The following PLSCR2 variants were observed in gnomAD, a reference collection of about 807,000 sequenced individuals.
PLSCR2 encodes the protein phospholipid scramblase 2.
In PLSCR2, 18 loss-of-function variants were observed where a neutral mutation model predicts 25.3. The ratio of observed to expected loss-of-function variants is 0.71; its 90% CI spans 0.49 to 1.06. The LOEUF is 1.06. PLSCR2 is among the 50% of genes least tolerant of loss of function. The pLI is 0.00. For synonymous variants in PLSCR2, 88 were observed against 87.3 expected, an observed-to-expected ratio of 1.01 and a Z score of -0.04; for missense variants, 243 against 269.5, an observed-to-expected ratio of 0.90 and a Z score of 0.69.
intron 2 of PLSCR2, among the ~76,000 whole-genome samples, chr3:146,458,878 TA>T (rs980469498): frequency 4.6e-5 from 7 of 152,040 alleles, no homozygotes; most frequent in African/African-American, 1.2e-4. Context: ...TGAGACTGAT[TA>T]AAAAAACTGT....
At chr3:146,411,661 C>CA (rs2038856503) in intron 2 of PLSCR2, among the ~76,000 whole-genome samples, 1 of 152,168 alleles carries the variant, frequency 6.6e-6, no homozygotes, top group African/African-American at 2.4e-5. Flanking sequence ...ATTGAGAGAC[C>CA]ATTTAGCCGG....
At chr3:146,418,256 T>A (rs781182653) in intron 2 of PLSCR2, among the ~76,000 whole-genome samples, 3 of 152,130 alleles carry the variant, frequency 2.0e-5, no homozygotes, top group Non-Finnish European at 2.9e-5. Flanking sequence ...CTATCTCACA[T>A]GCAAAGTATA....
chr3:146,418,340 T>G (rs949954402), intron 2 of PLSCR2, among the ~76,000 whole-genome samples: 4 of 152,072 alleles, frequency 2.6e-5, no homozygotes, highest in African/African-American at 9.7e-5. Flanking sequence ...CAAATAAACC[T>G]CATCAGCTGA....
At chr3:146,444,903 G>C (rs2040456062) in intron 6 of PLSCR2, among the ~76,000 whole-genome samples, 1 of 151,622 alleles carries the variant, frequency 6.6e-6, no homozygotes, top group East Asian at 1.9e-4. Flanking sequence ...TTAATTTCTT[G>C]CTTTTGATTC....
intron 2 of PLSCR2, among the ~76,000 whole-genome samples, chr3:146,428,016 C>A (rs1364666403): frequency 1.3e-5 from 2 of 152,016 alleles, no homozygotes; most frequent in African/African-American, 4.8e-5. Flanking sequence ...ATCTTTTTCA[C>A]ACACACACAA....
intron 2 of PLSCR2, among the ~76,000 whole-genome samples, chr3:146,399,125 G>A (rs1576555393): frequency 6.6e-6 from 1 of 151,976 alleles, no homozygotes; most frequent in East Asian, 1.9e-4. Flanking sequence ...TTTTAGGCAT[G>A]TATGAGAATT....
intron 6 of PLSCR2, among the ~76,000 whole-genome samples, chr3:146,445,158 A>G (rs2108274205): frequency 6.6e-6 from 1 of 152,258 alleles, no homozygotes; most frequent in African/African-American, 2.4e-5. Context: ...TAATAGGCTC[A>G]TCTTCTAGTC....
At chr3:146,409,807 G>A (rs1446267702) in intron 2 of PLSCR2, among the ~76,000 whole-genome samples, 1 of 152,080 alleles carries the variant, frequency 6.6e-6, no homozygotes, top group Non-Finnish European at 1.5e-5. Flanking sequence ...AACAGAATTT[G>A]AGCAGAGATA....
downstream of PLSCR2, among the ~76,000 whole-genome samples, chr3:146,429,826 C>T (rs563551865): frequency 0.012 from 1,833 of 151,984 alleles, 13 homozygotes; most frequent in Non-Finnish European, 0.017. Context: ...AGGGTTTCAC[C>T]GTGTTAGCCA....
At chr3:146,465,477 G>A (rs2041816814) in intron 1 of PLSCR2, among the ~76,000 whole-genome samples, 2 of 150,358 alleles carry the variant, frequency 1.3e-5, no homozygotes, top group Admixed American at 6.7e-5. Flanking sequence ...AAATTACTAT[G>A]CCTTTAACAT....
At chr3:146,404,856 T>G (rs1219952851) in intron 2 of PLSCR2, among the ~76,000 whole-genome samples, 2 of 145,770 alleles carry the variant, frequency 1.4e-5, no homozygotes, top group Non-Finnish European at 1.5e-5. Flanking sequence ...CCCAGGTAAG[T>G]CCAAAGTCCA....
chr3:146,426,085 T>C (rs1241002254), intron 2 of PLSCR2, among the ~76,000 whole-genome samples: 2 of 152,158 alleles, frequency 1.3e-5, no homozygotes, highest in African/African-American at 2.4e-5. Context: ...AATTCAATCA[T>C]TTCTTCTACT....
chr3:146,479,704 A>G (rs1174007626), intron 1 of PLSCR2, among the ~76,000 whole-genome samples: 2 of 152,236 alleles, frequency 1.3e-5, no homozygotes, highest in African/African-American at 2.4e-5. Flanking sequence ...AAGGATATCC[A>G]GGACTTGAAC....
downstream of PLSCR2, among the ~76,000 whole-genome samples, chr3:146,430,275 T>C (rs1214833716): frequency 6.6e-6 from 1 of 152,184 alleles, no homozygotes; most frequent in Non-Finnish European, 1.5e-5. Flanking sequence ...TACAGGTAGA[T>C]ACTACTATCA....
At chr3:146,428,698 G>A (rs2039438843), downstream of PLSCR2, among the ~76,000 whole-genome samples, 1 of 152,104 alleles carries the variant, frequency 6.6e-6, no homozygotes, top group Non-Finnish European at 1.5e-5. Context: ...GATGCTATGA[G>A]GCTAAGAAAA....
intron 1 of PLSCR2, among the ~76,000 whole-genome samples, chr3:146,477,296 G>A (rs1459636539): frequency 1.3e-5 from 2 of 152,196 alleles, no homozygotes; most frequent in African/African-American, 2.4e-5. Flanking sequence ...CCTCACCTGG[G>A]AAGTGCAAAG....
intron 1 of PLSCR2, chr3:146,495,884 T>C (rs2108598164): frequency 6.5e-7 from 1 of 1,533,636 alleles, no homozygotes; most frequent in Non-Finnish European, 8.7e-7. Flanking sequence ...AAACTACATG[T>C]CATTGGCTAC....
At chr3:146,427,579 C>T (rs1409254256) in intron 2 of PLSCR2, among the ~76,000 whole-genome samples, 5 of 152,192 alleles carry the variant, frequency 3.3e-5, no homozygotes, top group Non-Finnish European at 7.3e-5. Flanking sequence ...ATGGTCCAGC[C>T]ACATTGCAGA....
rs540685432 is a variant in PLSCR2, at chr3:146,424,946, G to C, written c.101-29025C>G. On this transcript the variant is annotated intron_variant and NMD_transcript_variant, in intron 2 of 3. Transcript: ENST00000463633. Reference sequence around the variant, plus strand: ...AAGTGCTTCCTTTAAGTGAACAGGTGAAAGTTCTCAACTTAATAAGGAAAG... The same window carrying C: ...AAGTGCTTCCTTTAAGTGAACAGGTCAAAGTTCTCAACTTAATAAGGAAAG... Among the ~76,000 whole-genome samples, 224 of 31,806 alleles carry C rather than the reference G, an allele frequency of 7.0e-3. 1 individual carries two copies. Among genetic ancestry groups the C allele is most frequent in the African/African-American group, 0.016 (191 of 11,666 alleles). The allele number at this position is 31,806 out of a possible 152,430, so 20.9% of individuals were successfully genotyped here.
Sources: gnomAD v4.1 joint callset for allele counts (sites outside exome capture counted in the v4.1 genomes callset) on GRCh38, gnomAD v4.1.1 for gene constraint, MANE v1.5 for transcripts, NCBI Gene and HGNC (gene_info 2026-07-23, HGNC 2026-07-21) for gene names.